SOX6: variants seen among roughly 807,000 people sequenced by gnomAD.
The protein encoded by SOX6 is SRY-box transcription factor 6, also known as transcription factor SOX-6.
A neutral mutation model predicts 97.8 loss-of-function variants in SOX6; 11 were observed. That is an observed-to-expected ratio of 0.11 (90% confidence interval 0.07 to 0.19). The LOEUF is 0.19. SOX6 is among the 10% of genes least tolerant of loss of function. SOX6 has a pLI of 1.00. For missense variants in SOX6, 810 were observed against 1,039.5 expected (o/e 0.78, Z 3.04); for synonymous variants, 360 against 371.4 (o/e 0.97, Z 0.35).
At chr11:16,639,003 A>G (rs553853934) in intron 3 of SOX6, among the ~76,000 whole-genome samples, 2 of 152,286 alleles carry the variant, frequency 1.3e-5, no homozygotes, top group Non-Finnish European at 1.5e-5. Flanking sequence ...CCATGCCTAC[A>G]TCCTGAATGG....
In SOX6 at chr11:16,680,270, C is replaced by A. The variant is rs559106322; in HGVS notation, n.429+34560G>T. On this transcript the variant is annotated intron_variant and non_coding_transcript_variant, in intron 3 of 5. Transcript: ENST00000524520. ...ACTAACAGAGATTTCTCTGCAGAAA[C>A]CCTACAAGCCAGAAGAGAGTGGGGG... Among the ~76,000 whole-genome samples the A allele has an allele frequency of 1.6e-4, 25 of 152,334 alleles. No homozygotes were observed. In the South Asian group the frequency reaches 5.2e-3, roughly 32 times the overall value.
intron 4 of SOX6, among the ~76,000 whole-genome samples, chr11:16,188,687 C>T (rs80079784): frequency 0.01 from 1,556 of 152,112 alleles, 26 homozygotes; most frequent in African/African-American, 0.035. Context: ...CACTATGTAT[C>T]AGGTACTATA....
At chr11:16,045,986 A>G (rs1405424587) in intron 12 of SOX6, among the ~76,000 whole-genome samples, 2 of 152,190 alleles carry the variant, frequency 1.3e-5, no homozygotes, top group Non-Finnish European at 2.9e-5. Context: ...TCACTGCTGT[A>G]TCTCCAGCGC....
chr11:16,394,909 T>C (rs1858301094), intron 1 of SOX6, among the ~76,000 whole-genome samples: 1 of 151,776 alleles, frequency 6.6e-6, no homozygotes, highest in Non-Finnish European at 1.5e-5. Flanking sequence ...CAGACTACAC[T>C]GAAAAACAAG....
rs547154290 is a variant in SOX6, at chr11:16,603,920, C to A, written n.609+8161G>T. ...GCAGGTTCGGCCCTCCCTCGGGAAT[C>A]CTGGAACCCAGAACAGAGCTGAGCG... On this transcript the variant is annotated intron_variant and non_coding_transcript_variant, in intron 4 of 5. Transcript: ENST00000524520. Among the ~76,000 whole-genome samples, 3 of 152,356 alleles carry A rather than the reference C, an allele frequency of 2.0e-5. No homozygotes were observed. In the East Asian group the frequency reaches 5.8e-4, roughly 29 times the overall value.
At chr11:16,056,470 G>A (rs939790167) in intron 9 of SOX6, among the ~76,000 whole-genome samples, 6 of 152,202 alleles carry the variant, frequency 3.9e-5, no homozygotes, top group South Asian at 4.1e-4. Flanking sequence ...TCTAGGCAGC[G>A]TATAACATAA....
At chr11:16,070,377 T>C (rs1365044256) in intron 9 of SOX6, among the ~76,000 whole-genome samples, 1 of 151,390 alleles carries the variant, frequency 6.6e-6, no homozygotes, top group African/African-American at 2.4e-5. Flanking sequence ...CTAAGAAACT[T>C]AAAAAAAATC....
At chr11:16,158,865 G>GGTGTGTGTGT (rs10549567) in intron 6 of SOX6, among the ~76,000 whole-genome samples, 19 of 145,912 alleles carry the variant, frequency 1.3e-4, no homozygotes, top group African/African-American at 4.5e-4. Context: ...TGAAGTTACA[G>GGTGTGTGTGT]GTGTGTGTGT....
intron 3 of SOX6, among the ~76,000 whole-genome samples, chr11:16,699,267 G>A (rs919298679): frequency 1.3e-5 from 2 of 151,818 alleles, no homozygotes; most frequent in Admixed American, 1.3e-4. Context: ...CCATTTTATA[G>A]CCAAAAAATT....
chr11:16,350,085 G>C (rs770251846), intron 1 of SOX6, among the ~76,000 whole-genome samples: 1 of 152,208 alleles, frequency 6.6e-6, no homozygotes, highest in Non-Finnish European at 1.5e-5. Flanking sequence ...AATGAATTGA[G>C]GCTCATCAAG....
chr11:16,516,176 A>C (rs1860968067), intron 4 of SOX6, among the ~76,000 whole-genome samples: 1 of 150,832 alleles, frequency 6.6e-6, no homozygotes, highest in Non-Finnish European at 1.5e-5. Context: ...CTTCCTACCC[A>C]TGAGCATGGA....
chr11:16,049,694 C>G, intron 11 of SOX6, 61 bp downstream of exon 11: 2 of 1,593,092 alleles, frequency 1.3e-6, no homozygotes, highest in Non-Finnish European at 1.7e-6. Context: ...CGTAACTAAA[C>G]AGGTTTGCTT....
intron 1 of SOX6, among the ~76,000 whole-genome samples, chr11:16,462,198 T>G (rs1859944014): frequency 6.6e-6 from 1 of 152,232 alleles, no homozygotes; most frequent in South Asian, 2.1e-4. Flanking sequence ...CCATCCAGAA[T>G]GAAGATCCTA....
At chr11:16,421,610 G>A (rs544755675) in intron 1 of SOX6, among the ~76,000 whole-genome samples, 1 of 152,268 alleles carries the variant, frequency 6.6e-6, no homozygotes, top group Non-Finnish European at 1.5e-5. Context: ...ATGATGAAGA[G>A]AATTCAATGA....
chr11:16,682,164 G>A (rs1217395420), intron 3 of SOX6, among the ~76,000 whole-genome samples: 1 of 152,178 alleles, frequency 6.6e-6, no homozygotes, highest in Non-Finnish European at 1.5e-5. Context: ...AACAAAAAAA[G>A]AAAATTTTAG....
At chr11:16,265,975 T>C (rs551832069) in intron 3 of SOX6, among the ~76,000 whole-genome samples, 9 of 151,838 alleles carry the variant, frequency 5.9e-5, no homozygotes, top group Admixed American at 5.3e-4. Context: ...GTCTAATATA[T>C]GCATAACTAG....
intron 3 of SOX6, among the ~76,000 whole-genome samples, chr11:16,285,994 C>T (rs989578179): frequency 6.6e-6 from 1 of 152,006 alleles, no homozygotes; most frequent in Non-Finnish European, 1.5e-5. Context: ...TATTATATGC[C>T]TTATAAAATG....
chr11:16,675,991 A>G (rs1564866222), intron 3 of SOX6, among the ~76,000 whole-genome samples: 1 of 152,146 alleles, frequency 6.6e-6, no homozygotes, highest in Non-Finnish European at 1.5e-5. Context: ...AAAGTTTTAA[A>G]CCATTATTTC....
At chr11:15,993,538 A>C (rs1478336889) in intron 13 of SOX6, among the ~76,000 whole-genome samples, 1 of 152,214 alleles carries the variant, frequency 6.6e-6, no homozygotes, top group Non-Finnish European at 1.5e-5. Flanking sequence ...CAGCAACAGC[A>C]GTCCCAAATG....
Sources: gnomAD v4.1 joint callset for allele counts (sites outside exome capture counted in the v4.1 genomes callset) on GRCh38, gnomAD v4.1.1 for gene constraint, MANE v1.5 for transcripts, NCBI Gene and HGNC (gene_info 2026-07-23, HGNC 2026-07-21) for gene names.